Variants in PEBP4 observed in about 807,000 individuals in gnomAD.
PEBP4 encodes the protein phosphatidylethanolamine binding protein 4, also known as phosphatidylethanolamine-binding protein 4.
A neutral mutation model predicts 23.9 loss-of-function variants in PEBP4; 22 were observed. The ratio of observed to expected loss-of-function variants is 0.92; its 90% CI spans 0.66 to 1.31. The LOEUF is 1.31. PEBP4 is among the 40% of genes most tolerant of loss of function. The pLI is 0.00. For synonymous variants in PEBP4, 112 were observed against 99.3 expected (o/e 1.13, Z -0.76); for missense variants, 324 against 281.7 (o/e 1.15, Z -1.07).
chr8:22,726,037 G>T (rs556011322), intron 5 of PEBP4, among the ~76,000 whole-genome samples: 51 of 147,696 alleles, frequency 3.5e-4, no homozygotes, highest in Admixed American at 5.4e-4. Context: ...GTGTGCACGC[G>T]CATGTGCACT....
At chr8:22,808,039 C>G (rs1806539301) in intron 4 of PEBP4, among the ~76,000 whole-genome samples, 1 of 152,132 alleles carries the variant, frequency 6.6e-6, no homozygotes, top group Admixed American at 6.5e-5. Context: ...ATCCATCCAT[C>G]CATCCATCCA....
chr8:22,894,735 T>C (rs752978670), intron 3 of PEBP4, among the ~76,000 whole-genome samples: 8 of 152,242 alleles, frequency 5.3e-5, no homozygotes, highest in Non-Finnish European at 7.3e-5. Flanking sequence ...CAGCAGGTTG[T>C]AGAATTACAA....
chr8:22,801,533 T>A (rs1371209749), intron 4 of PEBP4, among the ~76,000 whole-genome samples: 1 of 151,986 alleles, frequency 6.6e-6, no homozygotes, highest in African/African-American at 2.4e-5. Context: ...GGGGAAAGGG[T>A]GAGGGGTAGC....
At chr8:22,816,360 C>T (rs1446587652) in intron 4 of PEBP4, among the ~76,000 whole-genome samples, 2 of 152,186 alleles carry the variant, frequency 1.3e-5, no homozygotes, top group Admixed American at 6.5e-5. Context: ...GGAGGGGCCC[C>T]GGTCACTGGG....
intron 3 of PEBP4, among the ~76,000 whole-genome samples, chr8:22,917,510 C>A (rs1173258434): frequency 6.6e-6 from 1 of 152,200 alleles, no homozygotes. Context: ...CCCTTAGAGC[C>A]CTTGCCAGTG....
intron 3 of PEBP4, among the ~76,000 whole-genome samples, chr8:22,858,601 GA>G (rs1264838207): frequency 6.6e-6 from 1 of 152,142 alleles, no homozygotes; most frequent in African/African-American, 2.4e-5. Flanking sequence ...TCTTAGAGAT[GA>G]AAAAACTGAG....
At chr8:22,813,418 C>G (rs907441264) in intron 4 of PEBP4, among the ~76,000 whole-genome samples, 1 of 152,172 alleles carries the variant, frequency 6.6e-6, no homozygotes, top group African/African-American at 2.4e-5. Context: ...TGTCACCAAT[C>G]ATGATATTCT....
chr8:22,863,972 A>G (rs1285452971), intron 3 of PEBP4, among the ~76,000 whole-genome samples: 2 of 152,132 alleles, frequency 1.3e-5, no homozygotes, highest in Non-Finnish European at 2.9e-5. Flanking sequence ...CGACTACTGT[A>G]AGGGCTTCCT....
intron 4 of PEBP4, among the ~76,000 whole-genome samples, chr8:22,733,589 C>A (rs1264237142): frequency 6.6e-6 from 1 of 152,052 alleles, no homozygotes; most frequent in Non-Finnish European, 1.5e-5. Context: ...TTGTGAAGGC[C>A]CCAGATACTC....
chr8:22,933,005 CAAA>C (rs11474736), intron 1 of PEBP4, among the ~76,000 whole-genome samples: 12 of 134,264 alleles, frequency 8.9e-5, no homozygotes, highest in Admixed American at 1.5e-4. Flanking sequence ...ACTCCGTCTC[CAAA>C]AAAAAAAAAA....
chr8:22,800,763 G>A (rs1806364877), intron 4 of PEBP4, among the ~76,000 whole-genome samples: 1 of 152,172 alleles, frequency 6.6e-6, no homozygotes, highest in South Asian at 2.1e-4. Flanking sequence ...CCTGCCCAGG[G>A]AGGGGCTGCA....
At chr8:22,773,252 C>T (rs1046353322) in intron 4 of PEBP4, among the ~76,000 whole-genome samples, 19 of 152,172 alleles carry the variant, frequency 1.2e-4, no homozygotes, top group African/African-American at 4.3e-4. Flanking sequence ...AATGTCCTAT[C>T]GCAGCACAAA....
At chr8:22,932,335 G>A (rs1809469334), upstream of PEBP4, among the ~76,000 whole-genome samples, 1 of 152,160 alleles carries the variant, frequency 6.6e-6, no homozygotes, top group African/African-American at 2.4e-5. Flanking sequence ...AATTGCCTAT[G>A]TGATGGTTGC....
intron 4 of PEBP4, among the ~76,000 whole-genome samples, chr8:22,751,536 A>G (rs1215269085): frequency 6.6e-6 from 1 of 151,592 alleles, no homozygotes; most frequent in Non-Finnish European, 1.5e-5. Context: ...GCCCCAAATC[A>G]TTGCTGGGCT....
chr8:22,864,446 GA>G (rs5890075), intron 3 of PEBP4, among the ~76,000 whole-genome samples: 107,596 of 152,038 alleles, frequency 0.71, 38,485 homozygotes, highest in East Asian at 0.87. Flanking sequence ...GACTTAAGAG[GA>G]AGTGAGAAGG....
chr8:22,888,431 G>A (rs1022959720), intron 3 of PEBP4, among the ~76,000 whole-genome samples: 9 of 152,090 alleles, frequency 5.9e-5, no homozygotes, highest in Admixed American at 2.6e-4. Flanking sequence ...TGGGATTACC[G>A]GATGCCCCAA....
intron 6 of PEBP4, among the ~76,000 whole-genome samples, chr8:22,714,380 CA>C (rs1490251760): frequency 1.3e-5 from 2 of 152,000 alleles, no homozygotes; most frequent in Non-Finnish European, 2.9e-5. Context: ...AGATGCTTGC[CA>C]GGAAAAGGCA....
At chr8:22,834,896 T>A (rs1585298634) in intron 3 of PEBP4, among the ~76,000 whole-genome samples, 1 of 152,158 alleles carries the variant, frequency 6.6e-6, no homozygotes, top group African/African-American at 2.4e-5. Context: ...CTTGGCTGAA[T>A]CAGCCCAGGA....
At chr8:22,731,996 G>A (rs975095976) in intron 4 of PEBP4, among the ~76,000 whole-genome samples, 9 of 152,072 alleles carry the variant, frequency 5.9e-5, no homozygotes, top group Non-Finnish European at 1.3e-4. Flanking sequence ...CATTGTTTAA[G>A]GGTGAACAGT....
Sources: gnomAD v4.1 joint callset for allele counts (sites outside exome capture counted in the v4.1 genomes callset) on GRCh38, gnomAD v4.1.1 for gene constraint, MANE v1.5 for transcripts, NCBI Gene and HGNC (gene_info 2026-07-23, HGNC 2026-07-21) for gene names.